C12orf50: variants seen among roughly 807,000 people sequenced by gnomAD.
C12orf50 encodes zinc finger CCCH-type containing 11D.
In C12orf50, 35 loss-of-function variants were observed where a neutral mutation model predicts 61.6. That is an observed-to-expected ratio of 0.57 (90% CI 0.43 to 0.75). The LOEUF is 0.75. C12orf50 is among the 30% of genes least tolerant of loss of function. The pLI, the probability that C12orf50 is intolerant of heterozygous loss-of-function variation, is 0.00. For missense variants in C12orf50, 475 were observed against 488.5 expected (o/e 0.97, Z 0.26); for synonymous variants, 178 against 161.5 (o/e 1.10, Z -0.77).
chr12:88,026,033 C>A (rs2032693505), intron 3 of C12orf50, among the ~76,000 whole-genome samples: 1 of 152,142 alleles, frequency 6.6e-6, no homozygotes, highest in Non-Finnish European at 1.5e-5. Flanking sequence ...TTAGAAAGAA[C>A]CATCACACAT....
rs111552675 is a variant in C12orf50 at position 87,986,176 on chromosome 12, T to C, written c.923-123A>G. The C allele has an allele frequency of 8.9e-5, 114 of 1,282,562 alleles. No homozygotes were observed. The African/African-American group carries it at 1.2e-3, about 13-fold the overall frequency. The allele number at this position is 1,282,562 out of a possible 1,614,324, so 79.4% of individuals were successfully genotyped here. A position where few individuals can be genotyped will look rare whatever the true frequency, so the allele number is the denominator to read the frequency against. ...GCCAATAGAAGCCAAAATAATTAAG[T>C]TTAGAGAAGTTGAGTTGACCCCTAA... On this transcript the variant is annotated intron_variant, in intron 10 of 12. Coordinates refer to ENST00000298699, the MANE Select transcript of C12orf50 (RefSeq NM_152589.3).
chr12:87,996,731 A>G (rs1186217776), intron 4 of C12orf50, 85 bp from the exon 5 acceptor site: 1 of 953,366 alleles, frequency 1.0e-6, no homozygotes, highest in Non-Finnish European at 1.6e-6. Flanking sequence ...AACCCCAAAT[A>G]CTGTTCTCAT....
chr12:87,990,112 C>T (rs535409921), intron 7 of C12orf50, among the ~76,000 whole-genome samples: 1 of 152,246 alleles, frequency 6.6e-6, no homozygotes, highest in Admixed American at 6.5e-5. Flanking sequence ...CTCAAAAACG[C>T]CATCATACTG....
intron 1 of C12orf50, 78 bp from the exon 2 acceptor site, chr12:88,027,148 T>A (rs2032738406): frequency 7.4e-7 from 1 of 1,358,064 alleles, no homozygotes; most frequent in South Asian, 1.5e-5. Context: ...GCTAATTAGT[T>A]AAACGAAATA....
chr12:87,995,946 C>A (rs1364716917), intron 6 of C12orf50, among the ~76,000 whole-genome samples: 3 of 152,224 alleles, frequency 2.0e-5, no homozygotes, highest in Non-Finnish European at 2.9e-5. Context: ...GTCTGGTCCA[C>A]AGAAGACTTT....
At chr12:87,989,977 T>A (rs2031040465) in intron 7 of C12orf50, among the ~76,000 whole-genome samples, 1 of 152,134 alleles carries the variant, frequency 6.6e-6, no homozygotes, top group Non-Finnish European at 1.5e-5. Context: ...TTAAATCACA[T>A]TTAACTATCT....
intron 3 of C12orf50, among the ~76,000 whole-genome samples, chr12:88,007,738 A>G (rs80238269): frequency 2.6e-4 from 39 of 152,334 alleles, no homozygotes; most frequent in African/African-American, 8.4e-4. Context: ...GATAAGAATA[A>G]TTTTGATCAT....
intron 3 of C12orf50, among the ~76,000 whole-genome samples, chr12:88,015,502 G>C (rs1220919195): frequency 1.3e-5 from 2 of 152,194 alleles, no homozygotes; most frequent in African/African-American, 4.8e-5. Flanking sequence ...ACTAGCCAAG[G>C]AAAGATGAGC....
intron 8 of C12orf50, among the ~76,000 whole-genome samples, chr12:87,988,955 A>G (rs955527108): frequency 6.6e-6 from 1 of 152,148 alleles, no homozygotes; most frequent in Non-Finnish European, 1.5e-5. Flanking sequence ...AACGTTTTCT[A>G]ACAAAATTCA....
chr12:87,994,957 T>C (rs573270952), intron 6 of C12orf50, among the ~76,000 whole-genome samples: 1 of 152,300 alleles, frequency 6.6e-6, no homozygotes, highest in African/African-American at 2.4e-5. Context: ...ATTTGGATTA[T>C]TTATTCAATG....
At chr12:88,015,464 C>G (rs757941959) in intron 3 of C12orf50, among the ~76,000 whole-genome samples, 5 of 152,198 alleles carry the variant, frequency 3.3e-5, no homozygotes, top group Non-Finnish European at 5.9e-5. Flanking sequence ...TGATCCTATT[C>G]AATTGTTCAT....
At position 87,987,853 on chromosome 12, in the gene C12orf50, A is replaced by G; in HGVS notation, c.814T>C (p.Ser272Pro). The G allele has an allele frequency of 6.3e-7, 1 of 1,583,438 alleles. No individual in the cohort carries two copies. The highest frequency in any genetic ancestry group is 8.7e-7 in the Non-Finnish European group (1 of 1,154,548). The change falls in exon 9 of 13, where the codon TCA becomes CCA. Residue 272 changes from serine to proline, a missense_variant. Coordinates refer to ENST00000298699, the MANE Select transcript of C12orf50 (RefSeq NM_152589.3). ...AGTGATAGAGCTAATGTCTCACTTG[A>G]AGAGGGGTCCTCTCTGCACTTCATA... ...ISMKCREDPS[S>P]MNDVQPVKKP...
rs2030384808 is a variant in C12orf50 at position 87,980,169 on chromosome 12, T to C, written c.*162A>G. 4 of 671,750 alleles carry C rather than the reference T, an allele frequency of 6.0e-6. No individual in the cohort carries two copies. In the East Asian group the frequency reaches 8.0e-5, roughly 13 times the overall value. 41.6% of individuals were successfully genotyped at this position (671,750 alleles called of 1,614,324 possible). A position where few individuals can be genotyped will look rare whatever the true frequency, so the allele number is the denominator to read the frequency against. ...CAGTTTTGAAAGAGCACAATGTACT[T>C]CCTGCATCTTATTTTCAGAATTTGC... is the stretch of plus-strand genomic sequence containing the variant. On this transcript the variant is annotated 3_prime_UTR_variant, in exon 13 of 13. Transcript: ENST00000298699.
chr12:87,998,297 G>A (rs2031505473), intron 3 of C12orf50, 107 bp from the exon 4 acceptor site: 3 of 773,318 alleles, frequency 3.9e-6, no homozygotes, highest in African/African-American at 3.5e-5. Context: ...ATTTTAAAAT[G>A]TGTACAATAA....
At chr12:87,995,178 T>G (rs1003989747) in intron 6 of C12orf50, among the ~76,000 whole-genome samples, 2 of 152,162 alleles carry the variant, frequency 1.3e-5, no homozygotes, top group Non-Finnish European at 2.9e-5. Flanking sequence ...CCCATGCATT[T>G]CTGGATAATT....
At chr12:87,988,010 TAAAA>T in intron 8 of C12orf50, 44 bp from the exon 9 acceptor site, 4 of 1,304,572 alleles carry the variant, frequency 3.1e-6, no homozygotes, top group Non-Finnish European at 4.3e-6. Flanking sequence ...TATTAGTTTT[TAAAA>T]AAAGCATTTC....
chr12:87,986,540 C>A, intron 9 of C12orf50, 124 bp from the exon 10 acceptor site: 1 of 539,242 alleles, frequency 1.9e-6, no homozygotes, highest in Non-Finnish European at 3.0e-6. Flanking sequence ...AATGCACCAT[C>A]CTAACACTTT....
intron 12 of C12orf50, among the ~76,000 whole-genome samples, chr12:87,981,331 G>A (rs1592640008): frequency 1.3e-5 from 2 of 152,262 alleles, no homozygotes; most frequent in East Asian, 1.9e-4. Context: ...TCCTGACATG[G>A]ATGGGTCCTG....
At chr12:88,017,808 CT>C (rs2032367353) in intron 3 of C12orf50, among the ~76,000 whole-genome samples, 2 of 152,196 alleles carry the variant, frequency 1.3e-5, no homozygotes, top group Admixed American at 1.3e-4. Flanking sequence ...ACTGGCAGCA[CT>C]TTGCCCCTTC....
Sources: gnomAD v4.1 joint callset for allele counts (sites outside exome capture counted in the v4.1 genomes callset) on GRCh38, gnomAD v4.1.1 for gene constraint, MANE v1.5 for transcripts, NCBI Gene and HGNC (gene_info 2026-07-23, HGNC 2026-07-21) for gene names.